Variants in CTNND2 observed in about 807,000 individuals in gnomAD.
The protein encoded by CTNND2 is catenin delta-2.
In CTNND2, 22 loss-of-function variants were observed where a neutral mutation model predicts 144.4. The observed-to-expected ratio is 0.15, with a 90% CI of 0.11 to 0.22. The LOEUF is 0.22. Among genes scored for constraint, CTNND2 ranks in the 10% least tolerant of loss-of-function variants. CTNND2 has a pLI of 1.00. For missense variants in CTNND2, 1,353 were observed against 1,618.8 expected (o/e 0.84, Z 2.82); for synonymous variants, 751 against 695.6 (o/e 1.08, Z -1.25).
chr5:11,256,760 G>A (rs1225024682), intron 9 of CTNND2, among the ~76,000 whole-genome samples: 1 of 152,154 alleles, frequency 6.6e-6, no homozygotes, highest in Non-Finnish European at 1.5e-5. Context: ...CAGGGGCTAC[G>A]GATGAGGAGG....
intron 2 of CTNND2, among the ~76,000 whole-genome samples, chr5:11,728,308 G>GAA (rs34137942): frequency 4.9e-5 from 7 of 144,288 alleles, no homozygotes; most frequent in Admixed American, 1.4e-4. Flanking sequence ...TGTCTCTACT[G>GAA]AAAAAAAAAA....
chr5:11,509,614 A>G (rs982704032), intron 3 of CTNND2, among the ~76,000 whole-genome samples: 1 of 152,232 alleles, frequency 6.6e-6, no homozygotes, highest in African/African-American at 2.4e-5. Context: ...AAGTAAAACA[A>G]ATGAGAAATT....
At chr5:11,638,659 T>C (rs538430409) in intron 2 of CTNND2, among the ~76,000 whole-genome samples, 3 of 152,186 alleles carry the variant, frequency 2.0e-5, no homozygotes, top group Non-Finnish European at 4.4e-5. Flanking sequence ...ATGCACCCTC[T>C]GCCTCCTAGG....
intron 1 of CTNND2, among the ~76,000 whole-genome samples, chr5:11,864,414 T>A (rs1795644991): frequency 6.6e-6 from 1 of 152,220 alleles, no homozygotes; most frequent in South Asian, 2.1e-4. Flanking sequence ...TGACCATGAT[T>A]CTTGCAAAAC....
chr5:11,419,918 T>G, intron 3 of CTNND2, among the ~76,000 whole-genome samples: 1 of 152,326 alleles, frequency 6.6e-6, no homozygotes, highest in Middle Eastern at 3.4e-3. Flanking sequence ...CACAATATCT[T>G]TCAAAATGAA....
chr5:11,799,609 T>G (rs1231055679), intron 1 of CTNND2, among the ~76,000 whole-genome samples: 2 of 152,208 alleles, frequency 1.3e-5, no homozygotes, highest in East Asian at 3.9e-4. Flanking sequence ...GGAAAAGACA[T>G]TAGCTGTTAT....
At chr5:11,140,028 C>T (rs766216083) in intron 12 of CTNND2, among the ~76,000 whole-genome samples, 6 of 152,318 alleles carry the variant, frequency 3.9e-5, no homozygotes, top group South Asian at 2.1e-4. Flanking sequence ...TAGGGATCCA[C>T]GCAAATAATC....
rs186164378 is a variant in CTNND2, at chr5:11,128,656, C to T, written c.2160-11089G>A. Reference sequence around the variant, plus strand: ...CTGCTCAGCCTGCAGTGGGCACATGCAAGTTTCAAGAAGAGTTTTCTAGAT... The same window carrying T: ...CTGCTCAGCCTGCAGTGGGCACATGTAAGTTTCAAGAAGAGTTTTCTAGAT... On this transcript the variant is annotated intron_variant, in intron 12 of 21. Coordinates refer to ENST00000304623, the MANE Select transcript of CTNND2 (RefSeq NM_001332.4). Among the ~76,000 whole-genome samples the T allele has an allele frequency of 1.7e-4, 23 of 137,718 alleles. No individual in the cohort carries two copies. In the East Asian group the frequency reaches 3.9e-3, roughly 23 times the overall value. 90.3% of individuals were successfully genotyped at this position (137,718 alleles called of 152,430 possible). A position where few individuals can be genotyped will look rare whatever the true frequency, so the allele number is the denominator to read the frequency against.
rs25948 is a variant in CTNND2 at position 11,475,176 on chromosome 5, C to T, written c.288-63107G>A. On this transcript the variant is annotated intron_variant, in intron 3 of 21. Transcript: ENST00000304623. ...TCACATTCATAGCCTGTGAGCTACACTGAATATTGGCAGAAAGTGAGAGAA... is the reference window on the plus strand; with the variant it reads ...TCACATTCATAGCCTGTGAGCTACATTGAATATTGGCAGAAAGTGAGAGAA... Among the ~76,000 whole-genome samples, 1,248 of 152,300 alleles carry T rather than the reference C, an allele frequency of 8.2e-3. 11 individuals are homozygous for T. The highest frequency in any genetic ancestry group is 0.023 in the African/African-American group (967 of 41,546).
chr5:11,903,508 T>A lies in CTNND2; in HGVS notation c.37+309A>T. On this transcript the variant is annotated intron_variant, in intron 1 of 21. Coordinates refer to ENST00000304623, the MANE Select transcript of CTNND2 (RefSeq NM_001332.4). The surrounding 1 kb of genome is among the most constrained non-coding windows in gnomAD (Gnocchi z 5.4). ...GTTCTCAGGGTGGCGGGGAGCAGCATTGTCGGTGTTGCCCTAAATACGCTT... is the reference window on the plus strand; with the variant it reads ...GTTCTCAGGGTGGCGGGGAGCAGCAATGTCGGTGTTGCCCTAAATACGCTT... 2 of 560,426 alleles carry A rather than the reference T, an allele frequency of 3.6e-6. No individual in the cohort carries two copies. The allele number at this position is 560,426 out of a possible 1,614,324, so 34.7% of individuals were successfully genotyped here. A position where few individuals can be genotyped will look rare whatever the true frequency, so the allele number is the denominator to read the frequency against.
In CTNND2 at chr5:11,648,701, C is replaced by A. The variant is rs186747413; in HGVS notation, c.174+83435G>T. On this transcript the variant is annotated intron_variant, in intron 2 of 21. Coordinates refer to ENST00000304623, the MANE Select transcript of CTNND2 (RefSeq NM_001332.4). ...ATTTCAACTCTGTAACTAGCAAAAT[C>A]TTCTAGCACCATGGCAAAGAATATA... Among the ~76,000 whole-genome samples, 32 of 152,208 alleles carry A rather than the reference C, an allele frequency of 2.1e-4. 1 individual carries two copies. Among genetic ancestry groups the A allele is most frequent in the African/African-American group, 7.2e-4 (30 of 41,536 alleles).
intron 9 of CTNND2, among the ~76,000 whole-genome samples, chr5:11,327,121 C>T (rs976689266): frequency 4.6e-5 from 7 of 152,180 alleles, no homozygotes; most frequent in Non-Finnish European, 7.3e-5. Flanking sequence ...GGGTATGCTA[C>T]AGGCTGAAGT....
At position 11,110,849 on chromosome 5, in the gene CTNND2, C is replaced by A; in HGVS notation, c.2463+9G>T. On this transcript the variant is annotated intron_variant, in intron 14 of 21. Coordinates refer to ENST00000304623, the MANE Select transcript of CTNND2 (RefSeq NM_001332.4). ...ATAATTGCATGCAGCTGCAAGCAGC[C>A]TGCATCACCTGATCTTGGGATTTCT... The A allele has an allele frequency of 6.2e-7, 1 of 1,609,248 alleles. No homozygotes were observed.
chr5:11,744,892 C>T (rs1317463695), intron 1 of CTNND2, among the ~76,000 whole-genome samples: 2 of 151,888 alleles, frequency 1.3e-5, no homozygotes, highest in Non-Finnish European at 2.9e-5. Context: ...TGTGCCACCG[C>T]GTCCAGCTAA....
chr5:11,719,875 CA>C (rs1786565437), intron 2 of CTNND2, among the ~76,000 whole-genome samples: 1 of 148,516 alleles, frequency 6.7e-6, no homozygotes. Flanking sequence ...CACACACACA[CA>C]CCACAGATCC....
chr5:11,649,748 CTCT>C (rs1228699053), intron 2 of CTNND2, among the ~76,000 whole-genome samples: 23 of 152,248 alleles, frequency 1.5e-4, no homozygotes, highest in African/African-American at 4.3e-4. Flanking sequence ...ATCATTTATG[CTCT>C]TCATTAAGGT....
chr5:11,870,341 T>C (rs1316636143), intron 1 of CTNND2, among the ~76,000 whole-genome samples: 1 of 152,188 alleles, frequency 6.6e-6, no homozygotes, highest in East Asian at 1.9e-4. Context: ...ACAACAGTTA[T>C]CCAGTCCATA....
intron 18 of CTNND2, among the ~76,000 whole-genome samples, chr5:11,006,379 T>C (rs852615): frequency 0.8 from 121,039 of 152,214 alleles, 48,372 homozygotes; most frequent in African/African-American, 0.87. Context: ...GGTGAGGCAG[T>C]GGGCATGTGT....
At chr5:11,188,078 T>G (rs1024796637) in intron 11 of CTNND2, among the ~76,000 whole-genome samples, 1 of 152,158 alleles carries the variant, frequency 6.6e-6, no homozygotes, top group Non-Finnish European at 1.5e-5. Flanking sequence ...GAAATATCAT[T>G]TGACCCAGCA....
Sources: gnomAD v4.1 joint callset for allele counts (sites outside exome capture counted in the v4.1 genomes callset) on GRCh38, gnomAD v4.1.1 for gene constraint, Gnocchi (gnomAD v3.1) non-coding constraint, MANE v1.5 for transcripts, NCBI Gene and HGNC (gene_info 2026-07-23, HGNC 2026-07-21) for gene names.